The following SLX4IP variants were observed in gnomAD, a reference collection of about 807,000 sequenced individuals.
SLX4IP encodes the protein SLX4 interacting protein.
In SLX4IP, 34 loss-of-function variants were observed where a neutral mutation model predicts 32.9. That is an observed-to-expected ratio of 1.03 (90% CI 0.79 to 1.38). SLX4IP has a LOEUF of 1.38. Among genes scored for constraint, SLX4IP ranks in the 40% most tolerant of loss-of-function variants. SLX4IP has a pLI of 0.00. For synonymous variants in SLX4IP, 172 were observed against 171.7 expected, an observed-to-expected ratio of 1.00 and a Z score of -0.01; for missense variants, 444 against 479.0, an observed-to-expected ratio of 0.93 and a Z score of 0.68.
At chr20:10,536,840 GT>G (rs1281680313) in intron 2 of SLX4IP, among the ~76,000 whole-genome samples, 2 of 152,190 alleles carry the variant, frequency 1.3e-5, no homozygotes, top group Non-Finnish European at 2.9e-5. Context: ...CTTATTTACA[GT>G]TTTGGCTTTG....
chr20:10,562,701 C>T (rs2066346241), intron 4 of SLX4IP, among the ~76,000 whole-genome samples: 1 of 152,186 alleles, frequency 6.6e-6, no homozygotes, highest in Non-Finnish European at 1.5e-5. Context: ...TTGCCCCTCT[C>T]CCATATCACC....
Position 10,491,960 on chromosome 20 carries a change from C to T in SLX4IP, c.27+33729C>T, listed in dbSNP as rs574185538. 3.3e-5 allele frequency among the ~76,000 whole-genome samples: 5 copies of T among 152,290 alleles called. No homozygotes were observed. In the East Asian group the frequency reaches 9.6e-4, roughly 29 times the overall value. On this transcript the variant is annotated intron_variant, in intron 2 of 7. Transcript: ENST00000334534. Reference sequence around the variant, plus strand: ...ATAAACAACATTTGGTATTGATTTGCACATTTTCAAAGTTAGTATAAATGG... The same window carrying T: ...ATAAACAACATTTGGTATTGATTTGTACATTTTCAAAGTTAGTATAAATGG...
At chr20:10,605,573 C>T (rs186489740) in intron 6 of SLX4IP, among the ~76,000 whole-genome samples, 45 of 152,166 alleles carry the variant, frequency 3.0e-4, no homozygotes, top group Middle Eastern at 3.4e-3. Context: ...ACTTTTAAAC[C>T]GAAGCTCTCA....
chr20:10,463,355 T>C (rs190020594), intron 2 of SLX4IP, among the ~76,000 whole-genome samples: 1 of 152,320 alleles, frequency 6.6e-6, no homozygotes, highest in East Asian at 1.9e-4. Context: ...GGGTATCCAG[T>C]TTCTGGGCAG....
At chr20:10,489,058 G>A (rs2065597818) in intron 2 of SLX4IP, among the ~76,000 whole-genome samples, 1 of 152,152 alleles carries the variant, frequency 6.6e-6, no homozygotes, top group African/African-American at 2.4e-5. Context: ...GCTTGTTCTA[G>A]TTTTCACAAG....
chr20:10,593,968 T>C (rs918055301), intron 4 of SLX4IP, among the ~76,000 whole-genome samples: 1 of 152,220 alleles, frequency 6.6e-6, no homozygotes, highest in African/African-American at 2.4e-5. Context: ...AGGCTGATTA[T>C]TTGATCGGTA....
intron 2 of SLX4IP, among the ~76,000 whole-genome samples, chr20:10,465,955 A>C (rs1383096075): frequency 2.6e-5 from 4 of 152,206 alleles, no homozygotes; most frequent in Non-Finnish European, 5.9e-5. Context: ...ACCTTATCAG[A>C]ATAAGCATTC....
rs2066327492 is a variant in SLX4IP at position 10,561,078 on chromosome 20, A to T, written c.238+258A>T. On this transcript the variant is annotated intron_variant, in intron 4 of 7. Coordinates refer to ENST00000334534, the MANE Select transcript of SLX4IP (RefSeq NM_001009608.3). The stretch of plus-strand genomic sequence containing the variant: ...TAAATTGTTTAAAGGATTGTTTTTT[A>T]TTTTTAAGGTTTTTTTATTTTTAGT... Among the ~76,000 whole-genome samples the T allele has an allele frequency of 2.0e-5, 3 of 152,276 alleles. No individual in the cohort carries two copies. The East Asian group carries it at 5.8e-4, about 29-fold the overall frequency.
intron 4 of SLX4IP, among the ~76,000 whole-genome samples, chr20:10,575,048 A>G (rs2122518910): frequency 1.3e-5 from 2 of 152,152 alleles, no homozygotes; most frequent in African/African-American, 4.8e-5. Flanking sequence ...AAGACTGATG[A>G]CTTATTACTA....
intron 4 of SLX4IP, among the ~76,000 whole-genome samples, chr20:10,561,627 CACTAAACCTGATTTGT>C (rs1165971261): frequency 6.6e-6 from 1 of 150,448 alleles, no homozygotes; most frequent in Non-Finnish European, 1.5e-5. Flanking sequence ...AAGCAGTATA[CACTAAACCTGATTTGT>C]AGTCTTTTAT....
intron 1 of SLX4IP, among the ~76,000 whole-genome samples, chr20:10,455,045 T>A (rs1457085526): frequency 6.6e-6 from 1 of 152,220 alleles, no homozygotes; most frequent in Non-Finnish European, 1.5e-5. Flanking sequence ...TATATCTTCT[T>A]TGAAGGAATG....
At chr20:10,590,626 G>A (rs188773554) in intron 4 of SLX4IP, among the ~76,000 whole-genome samples, 10 of 152,222 alleles carry the variant, frequency 6.6e-5, no homozygotes, top group Non-Finnish European at 1.3e-4. Flanking sequence ...CTCTCAAAGT[G>A]CTAGAATTAC....
chr20:10,553,848 C>T (rs1385133444), intron 2 of SLX4IP, among the ~76,000 whole-genome samples: 3 of 152,180 alleles, frequency 2.0e-5, no homozygotes, highest in African/African-American at 7.2e-5. Flanking sequence ...TCTTTTACAT[C>T]GTAGGAAACC....
intron 2 of SLX4IP, among the ~76,000 whole-genome samples, chr20:10,555,862 A>G (rs1261191902): frequency 1.3e-5 from 2 of 151,898 alleles, no homozygotes; most frequent in South Asian, 4.2e-4. Flanking sequence ...CTGGCTGTGC[A>G]TGGAATCATT....
At chr20:10,465,908 C>G (rs2065376992) in intron 2 of SLX4IP, among the ~76,000 whole-genome samples, 1 of 152,240 alleles carries the variant, frequency 6.6e-6, no homozygotes, top group African/African-American at 2.4e-5. Context: ...CAACACAGAT[C>G]TAAATTGCTG....
intron 2 of SLX4IP, among the ~76,000 whole-genome samples, chr20:10,550,039 A>G (rs1339990720): frequency 6.6e-6 from 1 of 152,184 alleles, no homozygotes. Context: ...TTCTAGCTGT[A>G]GTATCAGAAA....
intron 2 of SLX4IP, among the ~76,000 whole-genome samples, chr20:10,529,726 C>T (rs905794352): frequency 8.0e-4 from 122 of 151,892 alleles, no homozygotes; most frequent in African/African-American, 2.9e-3. Flanking sequence ...GTTCAAGGAC[C>T]CTCTCCCATA....
intron 4 of SLX4IP, among the ~76,000 whole-genome samples, chr20:10,589,523 A>C (rs1303086369): frequency 6.6e-6 from 1 of 152,188 alleles, no homozygotes; most frequent in Non-Finnish European, 1.5e-5. Flanking sequence ...GTGTTAACTG[A>C]CTGATGATAA....
chr20:10,560,513 G>A (rs866399204), intron 3 of SLX4IP, among the ~76,000 whole-genome samples, 187 bp from the exon 4 acceptor site: 4 of 152,124 alleles, frequency 2.6e-5, no homozygotes, highest in Admixed American at 2.0e-4. Context: ...TCATGGTTTC[G>A]AGCAAACTTC....
Sources: gnomAD v4.1 joint callset for allele counts (sites outside exome capture counted in the v4.1 genomes callset) on GRCh38, gnomAD v4.1.1 for gene constraint, MANE v1.5 for transcripts, NCBI Gene and HGNC (gene_info 2026-07-23, HGNC 2026-07-21) for gene names.